ADAMTS9: variants seen among roughly 807,000 people sequenced by gnomAD.
The protein encoded by ADAMTS9 is ADAM metallopeptidase with thrombospondin type 1 motif 9.
In ADAMTS9, 107 loss-of-function variants were observed where a neutral mutation model predicts 257.1. That is an observed-to-expected ratio of 0.42 (90% confidence interval 0.36 to 0.49). ADAMTS9 has a LOEUF of 0.49. Ranked by LOEUF, ADAMTS9 falls within the 20% of genes least tolerant of loss-of-function variation. The pLI is 0.03. For synonymous variants in ADAMTS9, 982 were observed against 880.9 expected (o/e 1.11, Z -2.03); for missense variants, 2,353 against 2,469.1 (o/e 0.95, Z 1.00).
At chr3:64,526,746 A>C (rs1401661839) in intron 38 of ADAMTS9, among the ~76,000 whole-genome samples, 1 of 152,206 alleles carries the variant, frequency 6.6e-6, no homozygotes, top group African/African-American at 2.4e-5. Context: ...TTCCTGGTAC[A>C]TCTGTAAAAT....
At chr3:64,615,829 G>C in intron 20 of ADAMTS9, 131 bp downstream of exon 20, 1 of 1,074,292 alleles carries the variant, frequency 9.3e-7, no homozygotes, top group East Asian at 2.4e-5. Context: ...GCTTGAATGG[G>C]GTCAGGCATT....
chr3:64,674,812 G>A (rs946498864), intron 3 of ADAMTS9, among the ~76,000 whole-genome samples: 4 of 152,148 alleles, frequency 2.6e-5, no homozygotes, highest in Non-Finnish European at 4.4e-5. Context: ...CCCCAGCTCC[G>A]TCTCTCACTC....
intron 16 of ADAMTS9, among the ~76,000 whole-genome samples, chr3:64,624,161 A>G (rs1700172859): frequency 6.6e-6 from 1 of 151,956 alleles, no homozygotes. Context: ...CAATGTGACT[A>G]TAGTTAACTT....
At chr3:64,622,102 G>T in intron 18 of ADAMTS9, 96 bp downstream of exon 18, 1 of 1,291,406 alleles carries the variant, frequency 7.7e-7, no homozygotes, top group Non-Finnish European at 1.0e-6. Flanking sequence ...CAGATAGAAG[G>T]GTTTGCAGTT....
At chr3:64,539,387 A>T (rs945079921) in intron 36 of ADAMTS9, 93 bp from the exon 37 acceptor site, 98 of 1,058,892 alleles carry the variant, frequency 9.3e-5, no homozygotes, top group Non-Finnish European at 1.3e-4. Context: ...ACAGAAGGGA[A>T]GAAGAAGAAT....
At position 64,607,092 on chromosome 3, in the gene ADAMTS9, G is replaced by A. The variant is rs531499504; in HGVS notation, c.3355-13C>T. On this transcript the variant is annotated splice_polypyrimidine_tract_variant and intron_variant, in intron 22 of 39. Coordinates refer to ENST00000498707, the MANE Select transcript of ADAMTS9 (RefSeq NM_182920.2). ...AAGTGACACTGCACTGGAAGAAGGA[G>A]GACAAAAGGTATATACAATTCAGCA... 3 of 1,612,906 alleles carry A rather than the reference G, an allele frequency of 1.9e-6. No homozygotes were observed. Among genetic ancestry groups the A allele is most frequent in the South Asian group, 1.1e-5 (1 of 90,946 alleles).
chr3:64,654,267 G>A (rs892358940), intron 8 of ADAMTS9, 86 bp downstream of exon 8: 17 of 1,348,388 alleles, frequency 1.3e-5, no homozygotes, highest in South Asian at 5.3e-5. Context: ...TTACACACTC[G>A]AAAGTCAAGT....
At chr3:64,625,768 T>C (rs960382036) in intron 16 of ADAMTS9, among the ~76,000 whole-genome samples, 2 of 152,182 alleles carry the variant, frequency 1.3e-5, no homozygotes, top group Admixed American at 6.5e-5. Context: ...CTCCAACTTC[T>C]TGGCTCAAAA....
At chr3:64,673,431 G>C (rs4387961) in intron 3 of ADAMTS9, among the ~76,000 whole-genome samples, 104,650 of 151,824 alleles carry the variant, frequency 0.69, 37,151 homozygotes, top group African/African-American at 0.87. Flanking sequence ...GAAGCAAAGA[G>C]TAGGGGCAAT....
At chr3:64,602,330 C>T in intron 25 of ADAMTS9, 117 bp from the exon 26 acceptor site, 1 of 1,170,750 alleles carries the variant, frequency 8.5e-7, no homozygotes, top group Non-Finnish European at 1.2e-6. Context: ...AGGCCAAAAA[C>T]CTTGGAATCA....
chr3:64,540,718 C>T (rs967252918), intron 36 of ADAMTS9, among the ~76,000 whole-genome samples: 4 of 152,182 alleles, frequency 2.6e-5, no homozygotes, highest in Non-Finnish European at 4.4e-5. Flanking sequence ...CTTAGGGTCT[C>T]TATTTCAATG....
chr3:64,627,023 G>A (rs1700239663), intron 16 of ADAMTS9, among the ~76,000 whole-genome samples: 1 of 152,190 alleles, frequency 6.6e-6, no homozygotes, highest in South Asian at 2.1e-4. Flanking sequence ...ACAGTATGAT[G>A]TGCTGTCAAC....
intron 39 of ADAMTS9, among the ~76,000 whole-genome samples, chr3:64,519,317 T>C (rs111742119): frequency 0.015 from 2,253 of 152,272 alleles, 46 homozygotes; most frequent in African/African-American, 0.052. Flanking sequence ...AGAGACCTAA[T>C]GAAGCAGGAC....
chr3:64,537,719 G>T (rs1398783946), intron 37 of ADAMTS9, among the ~76,000 whole-genome samples: 6 of 152,182 alleles, frequency 3.9e-5, no homozygotes, highest in Non-Finnish European at 4.4e-5. Flanking sequence ...ACTTTTGAAG[G>T]TTCACAGGCA....
intron 37 of ADAMTS9, among the ~76,000 whole-genome samples, chr3:64,535,552 C>CTTT (rs57945713): frequency 4.7e-5 from 4 of 84,650 alleles, no homozygotes; most frequent in Non-Finnish European, 5.3e-5. Context: ...CTTTTCTTTT[C>CTTT]TTTTTTTTTT....
chr3:64,593,961 ATGTGTGTGTG>A (rs200112357), intron 28 of ADAMTS9, among the ~76,000 whole-genome samples: 29 of 108,308 alleles, frequency 2.7e-4, no homozygotes, highest in South Asian at 1.8e-3. Flanking sequence ...TGTGTGTATG[ATGTGTGTGTG>A]TGTGTGTGTG....
chr3:64,622,542 CAA>C lies in ADAMTS9; in HGVS notation c.2432_2433del (p.Phe811CysfsTer29). The C allele has an allele frequency of 6.2e-7, 1 of 1,614,088 alleles. No individual in the cohort carries two copies. Among genetic ancestry groups the C allele is most frequent in the Non-Finnish European group, 8.5e-7 (1 of 1,179,984 alleles). ...SKGEFLLNGN[F>X]VVTMAKREIR... Reference sequence around the variant, plus strand: ...ATTTCCCTTTTGGCCATTGTGACAACAAAGTTTCCATTTAGCAAGAATTCACC... The same window carrying C: ...ATTTCCCTTTTGGCCATTGTGACAACAGTTTCCATTTAGCAAGAATTCACC... On this transcript the variant is annotated frameshift_variant, in exon 17 of 40. Coordinates refer to ENST00000498707, the MANE Select transcript of ADAMTS9 (RefSeq NM_182920.2). LOFTEE classifies it high-confidence loss of function.
chr3:64,654,442 T>A lies in ADAMTS9; in HGVS notation c.1227A>T (p.Gly409=). The change falls in exon 8 of 40, where the codon GGA becomes GGT. Residue 409 remains glycine, a synonymous_variant. Coordinates refer to ENST00000498707, the MANE Select transcript of ADAMTS9 (RefSeq NM_182920.2). ...AGCTTCTATAGGGATCACAAATGGT[T>A]CCCAGTTCAGCCAGGCCTATTAGAA... ...KCDTLGLAEL[G]TICDPYRSCS... is the part of the protein sequence containing the mutation. 6.2e-7 allele frequency: 1 copy of A among 1,614,060 alleles called. No individual in the cohort carries two copies. Among genetic ancestry groups the A allele is most frequent in the Non-Finnish European group, 8.5e-7 (1 of 1,180,006 alleles).
chr3:64,574,286 G>A (rs2083773006), intron 28 of ADAMTS9, among the ~76,000 whole-genome samples: 1 of 152,138 alleles, frequency 6.6e-6, no homozygotes, highest in Admixed American at 6.5e-5. Flanking sequence ...AAAGAACACT[G>A]GTTTCTCTCA....
Sources: allele counts gnomAD v4.1 joint callset (sites outside exome capture counted in the v4.1 genomes callset), GRCh38; gene constraint gnomAD v4.1.1; transcripts MANE v1.5; gene names NCBI Gene and HGNC (gene_info 2026-07-23, HGNC 2026-07-21).